Variants in IL1RAPL1 observed in about 807,000 individuals in gnomAD.
IL1RAPL1 encodes interleukin 1 receptor accessory protein like 1, also known as interleukin-1 receptor accessory protein-like 1.
IL1RAPL1 carries 3 observed loss-of-function variants against 48.4 expected under a neutral mutation model. The ratio of observed to expected loss-of-function variants is 0.06; its 90% CI spans 0.03 to 0.16. The LOEUF (loss-of-function observed/expected upper bound fraction) is 0.16, where lower values mean the gene tolerates loss of function less well. Ranked by LOEUF, IL1RAPL1 falls within the 10% of genes least tolerant of loss-of-function variation. The pLI is 1.00. For synonymous variants in IL1RAPL1, 185 were observed against 187.7 expected, an observed-to-expected ratio of 0.99 and a Z score of 0.12; for missense variants, 349 against 530.6, an observed-to-expected ratio of 0.66 and a Z score of 3.36.
intron 1 of IL1RAPL1, among the ~76,000 whole-genome samples, chrX:28,768,055 A>T (rs968531547): frequency 1.3e-4 from 14 of 111,522 alleles, no homozygotes; most frequent in African/African-American, 4.6e-4. Context: ...ATTTATAAAG[A>T]TATAATGGGC....
intron 5 of IL1RAPL1, among the ~76,000 whole-genome samples, chrX:29,657,824 GTTT>G (rs199945372): frequency 4.0e-5 from 3 of 75,593 alleles, no homozygotes; most frequent in Non-Finnish European, 5.3e-5. Flanking sequence ...ATTAGTGACT[GTTT>G]TTTTTTTTTT....
At chrX:29,261,346 CA>C (rs1931856216) in intron 2 of IL1RAPL1, among the ~76,000 whole-genome samples, 1 of 111,252 alleles carries the variant, frequency 9.0e-6, no homozygotes, top group Non-Finnish European at 1.9e-5. Flanking sequence ...AATAACCCTT[CA>C]GGCTCTTTAT....
intron 2 of IL1RAPL1, among the ~76,000 whole-genome samples, chrX:28,859,020 A>G (rs1223146096): frequency 8.9e-6 from 1 of 112,287 alleles, no homozygotes; most frequent in African/African-American, 3.2e-5. Flanking sequence ...TTCTTAAAAT[A>G]TTGAATGATT....
intron 2 of IL1RAPL1, among the ~76,000 whole-genome samples, chrX:28,810,834 T>A (rs1371020932): frequency 9.1e-6 from 1 of 110,348 alleles, no homozygotes; most frequent in East Asian, 2.8e-4. Context: ...TATGCTGTTA[T>A]GTAATGAAGA....
chrX:28,823,970 A>AG (rs1372479169), intron 2 of IL1RAPL1, among the ~76,000 whole-genome samples: 5 of 111,818 alleles, frequency 4.5e-5, no homozygotes, highest in Admixed American at 9.5e-5. Flanking sequence ...TAGTCTACTT[A>AG]GATTGCCACC....
intron 5 of IL1RAPL1, among the ~76,000 whole-genome samples, chrX:29,422,684 T>C (rs1934304930): frequency 8.9e-6 from 1 of 112,096 alleles, no homozygotes; most frequent in South Asian, 3.7e-4. Flanking sequence ...TTCTTTCATT[T>C]ATATAAAATG....
At chrX:29,517,959 A>T (rs1214245279) in intron 5 of IL1RAPL1, among the ~76,000 whole-genome samples, 1 of 111,602 alleles carries the variant, frequency 9.0e-6, no homozygotes, top group Non-Finnish European at 1.9e-5. Context: ...GTTAACTCTA[A>T]TTTTTCCAGA....
At chrX:29,803,046 T>C (rs867756590) in intron 6 of IL1RAPL1, among the ~76,000 whole-genome samples, 16 of 82,262 alleles carry the variant, frequency 1.9e-4, no homozygotes, top group South Asian at 5.6e-4. Flanking sequence ...TATATACATA[T>C]ATGTGTACAT....
intron 2 of IL1RAPL1, among the ~76,000 whole-genome samples, chrX:29,159,059 G>A (rs1745685872): frequency 9.6e-6 from 1 of 103,929 alleles, no homozygotes; most frequent in African/African-American, 3.5e-5. Context: ...GAGTGCAATG[G>A]CGTGATCTCG....
intron 1 of IL1RAPL1, among the ~76,000 whole-genome samples, chrX:28,688,543 C>T (rs1373139416): frequency 8.9e-6 from 1 of 111,827 alleles, no homozygotes; most frequent in Non-Finnish European, 1.9e-5. Flanking sequence ...GACATTACCA[C>T]TTACAGAGCA....
Position 28,655,638 on chromosome X carries a change from G to C in IL1RAPL1, c.-25+67591G>C, listed in dbSNP as rs148435223. ...GGTTCAGAAATAAAATTTCTAATGG[G>C]AACTGACAGATCGACAAAAGGCTAA... On this transcript the variant is annotated intron_variant, in intron 1 of 10. Coordinates refer to ENST00000378993, the MANE Select transcript of IL1RAPL1 (RefSeq NM_014271.4). 9.4e-3 allele frequency among the ~76,000 whole-genome samples: 1,050 copies of C among 111,633 alleles called. 10 individuals are homozygous for C. The highest frequency in any genetic ancestry group is 0.014 in the Non-Finnish European group (740 of 53,099).
chrX:29,332,855 G>C (rs1480229346), intron 3 of IL1RAPL1, among the ~76,000 whole-genome samples: 2 of 109,903 alleles, frequency 1.8e-5, no homozygotes, highest in African/African-American at 3.3e-5. Context: ...GACTCTTAAC[G>C]AGCATGCTGC....
chrX:29,015,729 A>G (rs753617543), intron 2 of IL1RAPL1, among the ~76,000 whole-genome samples: 9 of 111,325 alleles, frequency 8.1e-5, no homozygotes, highest in South Asian at 3.8e-4. Context: ...AAGTGAATCA[A>G]AAGTCTAATG....
chrX:29,460,516 C>T (rs1412138215), intron 5 of IL1RAPL1, among the ~76,000 whole-genome samples: 1 of 112,158 alleles, frequency 8.9e-6, no homozygotes, highest in East Asian at 2.8e-4. Flanking sequence ...TAAGCAACTA[C>T]CCATACTACA....
Position 29,585,533 on chromosome X carries a change from A to G in IL1RAPL1, c.704-82897A>G, listed in dbSNP as rs1923127194. On this transcript the variant is annotated intron_variant, in intron 5 of 10. Transcript: ENST00000378993. ...ATACTGATTTCCTTTTCTTTGAATA[A>G]ATACCCAGAGTTGGATTACTGGATC... is the stretch of plus-strand genomic sequence containing the variant. Among the ~76,000 whole-genome samples the G allele has an allele frequency of 3.6e-5, 4 of 111,874 alleles. No individual in the cohort carries two copies. The Admixed American group carries it at 3.8e-4, about 11-fold the overall frequency.
intron 3 of IL1RAPL1, among the ~76,000 whole-genome samples, chrX:29,324,308 G>T (rs1932829814): frequency 9.0e-6 from 1 of 111,523 alleles, no homozygotes; most frequent in South Asian, 3.8e-4. Context: ...TTGTGGCTTG[G>T]GAGGGAGCCT....
chrX:28,797,382 A>G (rs536376989), intron 2 of IL1RAPL1, among the ~76,000 whole-genome samples: 5 of 111,507 alleles, frequency 4.5e-5, no homozygotes, highest in African/African-American at 1.6e-4. Context: ...CCAAACTTTT[A>G]TGCTCTGCTT....
At chrX:29,789,571 G>C (rs1929581868) in intron 6 of IL1RAPL1, among the ~76,000 whole-genome samples, 2 of 111,237 alleles carry the variant, frequency 1.8e-5, no homozygotes, top group African/African-American at 6.5e-5. Context: ...AGTAACTTTG[G>C]AAAAATTCAA....
At chrX:29,780,749 T>A (rs1929319267) in intron 6 of IL1RAPL1, among the ~76,000 whole-genome samples, 1 of 111,630 alleles carries the variant, frequency 9.0e-6, no homozygotes, top group African/African-American at 3.3e-5. Flanking sequence ...CATACATTAT[T>A]TTATATCACA....
Sources: allele counts gnomAD v4.1 joint callset (sites outside exome capture counted in the v4.1 genomes callset), GRCh38; gene constraint gnomAD v4.1.1; transcripts MANE v1.5; gene names NCBI Gene and HGNC (gene_info 2026-07-23, HGNC 2026-07-21).